Variants in PRKAG2 observed in about 807,000 individuals in gnomAD.
PRKAG2 encodes protein kinase AMP-activated non-catalytic subunit gamma 2, also known as 5'-AMP-activated protein kinase subunit gamma-2.
In PRKAG2, 26 loss-of-function variants were observed where a neutral mutation model predicts 69.6. The ratio of observed to expected loss-of-function variants is 0.37; its 90% CI spans 0.27 to 0.52. PRKAG2 has a LOEUF of 0.52. Among genes scored for constraint, PRKAG2 ranks in the 20% least tolerant of loss-of-function variants. The pLI is 0.90. For missense variants in PRKAG2, 557 were observed against 740.0 expected (o/e 0.75, Z 2.87); for synonymous variants, 293 against 285.0 (o/e 1.03, Z -0.28).
At chr7:151,708,578 G>C (rs1418536338) in intron 3 of PRKAG2, among the ~76,000 whole-genome samples, 3 of 152,196 alleles carry the variant, frequency 2.0e-5, no homozygotes, top group Non-Finnish European at 4.4e-5. Context: ...TTTGGAGCCA[G>C]AGGGTCCTCA....
At chr7:151,658,200 T>TATA in intron 4 of PRKAG2, among the ~76,000 whole-genome samples, 1 of 59,528 alleles carries the variant, frequency 1.7e-5, no homozygotes, top group African/African-American at 6.6e-5. Flanking sequence ...TAAATAAGAA[T>TATA]AATAGGGCTG....
chr7:151,760,616 C>G (rs2075356731), intron 3 of PRKAG2, among the ~76,000 whole-genome samples: 1 of 152,184 alleles, frequency 6.6e-6, no homozygotes, highest in African/African-American at 2.4e-5. Flanking sequence ...TTCCTCTGCC[C>G]CAGACCTCTG....
intron 1 of PRKAG2, among the ~76,000 whole-genome samples, chr7:151,851,323 C>T (rs568753213): frequency 1.3e-3 from 194 of 149,408 alleles, no homozygotes; most frequent in Admixed American, 4.1e-3. Flanking sequence ...TTGAGACTGG[C>T]GAGTTTGGGG....
At chr7:151,669,003 C>G (rs1831431206) in intron 4 of PRKAG2, among the ~76,000 whole-genome samples, 2 of 152,354 alleles carry the variant, frequency 1.3e-5, no homozygotes, top group South Asian at 4.1e-4. Flanking sequence ...GAAGATGACT[C>G]TCCTCCCATT....
rs1835168747 is a variant in PRKAG2, at chr7:151,688,791, G to A, written c.467-13154C>T. ...TCATCTGACGAAACTGATGAATGAA[G>A]CATGGGTACACAGATTTCTCTGTCT... On this transcript the variant is annotated intron_variant, in intron 3 of 15. Transcript: ENST00000287878. 2.0e-5 allele frequency among the ~76,000 whole-genome samples: 3 copies of A among 152,188 alleles called. No individual in the cohort carries two copies. The South Asian group carries it at 6.2e-4, about 32-fold the overall frequency.
At chr7:151,671,201 A>G (rs1427806733) in intron 4 of PRKAG2, among the ~76,000 whole-genome samples, 7 of 141,918 alleles carry the variant, frequency 4.9e-5, no homozygotes, top group African/African-American at 7.8e-5. Context: ...AAAAAAAAGG[A>G]GTGCTGTCTT....
Position 151,632,363 on chromosome 7 carries a change from G to C in PRKAG2, c.685-225C>G. On this transcript the variant is annotated intron_variant, in intron 4 of 15. Transcript: ENST00000287878. The surrounding 1 kb of genome is among the most constrained non-coding windows in gnomAD (Gnocchi z 4.2). ...CAGGTGGCGCGGCCGCGGCCCGCGT[G>C]CCCCTCCGCGAGTGGGACGCGCCGC... 2.0e-6 allele frequency: 1 copy of C among 505,582 alleles called. No individual in the cohort carries two copies. The highest frequency in any genetic ancestry group is 2.5e-6 in the Non-Finnish European group (1 of 394,004). 31.3% of individuals were successfully genotyped at this position (505,582 alleles called of 1,614,324 possible). A position where few individuals can be genotyped will look rare whatever the true frequency, so the allele number is the denominator to read the frequency against.
chr7:151,812,947 A>G (rs1264996880), intron 1 of PRKAG2, among the ~76,000 whole-genome samples: 1 of 137,854 alleles, frequency 7.3e-6, no homozygotes, highest in Non-Finnish European at 1.6e-5. Context: ...AAAAAAAAAA[A>G]CCACACACAC....
chr7:151,762,992 A>G (rs2075508073), intron 3 of PRKAG2, among the ~76,000 whole-genome samples: 1 of 152,230 alleles, frequency 6.6e-6, no homozygotes, highest in Non-Finnish European at 1.5e-5. Context: ...AGCCAGCACT[A>G]GAGATGGGCA....
intron 5 of PRKAG2, among the ~76,000 whole-genome samples, chr7:151,619,296 G>A (rs572503649): frequency 9.8e-5 from 15 of 152,326 alleles, no homozygotes; most frequent in Non-Finnish European, 2.1e-4. Flanking sequence ...GGATGAAGCA[G>A]CAAGCACCAG....
At chr7:151,607,226 T>C (rs1000260100) in intron 5 of PRKAG2, among the ~76,000 whole-genome samples, 4 of 152,244 alleles carry the variant, frequency 2.6e-5, no homozygotes, top group Non-Finnish European at 4.4e-5. Context: ...AATTGAAATA[T>C]TGGAAGTATT....
intron 4 of PRKAG2, among the ~76,000 whole-genome samples, chr7:151,673,869 G>A (rs771156678): frequency 4.9e-5 from 6 of 123,360 alleles, no homozygotes; most frequent in Non-Finnish European, 6.4e-5. Context: ...TTGAGACAGT[G>A]TCTCGCTCTG....
chr7:151,752,285 G>C (rs1023700132), intron 3 of PRKAG2, among the ~76,000 whole-genome samples: 4 of 152,200 alleles, frequency 2.6e-5, no homozygotes, highest in African/African-American at 9.7e-5. Context: ...ATCATCCTTA[G>C]CAAACTAACA....
intron 1 of PRKAG2, among the ~76,000 whole-genome samples, chr7:151,842,932 G>T (rs1432985198): frequency 6.6e-6 from 1 of 151,968 alleles, no homozygotes; most frequent in African/African-American, 2.4e-5. Flanking sequence ...TCCCTTCAAG[G>T]TCTAGTTCTT....
At chr7:151,762,096 C>A (rs2075445823) in intron 3 of PRKAG2, among the ~76,000 whole-genome samples, 1 of 152,202 alleles carries the variant, frequency 6.6e-6, no homozygotes, top group Non-Finnish European at 1.5e-5. Flanking sequence ...CAGCCACTGT[C>A]CGATGGGTTA....
At chr7:151,860,207 C>T (rs553240884) in intron 1 of PRKAG2, among the ~76,000 whole-genome samples, 12 of 152,336 alleles carry the variant, frequency 7.9e-5, no homozygotes, top group African/African-American at 2.6e-4. Context: ...CTCCAGCCTC[C>T]GTGGAGCCCC....
At chr7:151,594,763 G>GTACACAGA (rs1479719548) in intron 6 of PRKAG2, among the ~76,000 whole-genome samples, 2 of 152,054 alleles carry the variant, frequency 1.3e-5, no homozygotes, top group Non-Finnish European at 1.5e-5. Flanking sequence ...CTGTGGATTA[G>GTACACAGA]GTCCTTAAAT....
At chr7:151,834,030 G>GCTAAATACTCACCTTA (rs2079094999) in intron 1 of PRKAG2, among the ~76,000 whole-genome samples, 1 of 152,090 alleles carries the variant, frequency 6.6e-6, no homozygotes, top group Non-Finnish European at 1.5e-5. Context: ...AGTTACCTTT[G>GCTAAATACTCACCTTA]CTAAATACTC....
At chr7:151,795,852 T>C (rs866702456) in intron 1 of PRKAG2, among the ~76,000 whole-genome samples, 1 of 55,658 alleles carries the variant, frequency 1.8e-5, no homozygotes, top group South Asian at 4.5e-4. Context: ...ATCTCATATA[T>C]ATATATATAT....
Sources: allele counts gnomAD v4.1 joint callset (sites outside exome capture counted in the v4.1 genomes callset), GRCh38; gene constraint gnomAD v4.1.1; non-coding constraint Gnocchi (gnomAD v3.1); transcripts MANE v1.5; gene names NCBI Gene and HGNC (gene_info 2026-07-23, HGNC 2026-07-21).